TMEM131L: variants seen among roughly 807,000 people sequenced by gnomAD.
TMEM131L encodes the protein transmembrane protein 131-like.
Under a neutral mutation model 192.2 loss-of-function variants are expected in TMEM131L, and 54 were observed. That is an observed-to-expected ratio of 0.28 (90% CI 0.23 to 0.35). The LOEUF (loss-of-function observed/expected upper bound fraction) is 0.35, where lower values mean the gene tolerates loss of function less well. Ranked by LOEUF, TMEM131L falls within the 10% of genes least tolerant of loss-of-function variation. TMEM131L has a pLI of 1.00. For synonymous variants in TMEM131L, 701 were observed against 704.9 expected, an observed-to-expected ratio of 0.99 and a Z score of 0.09; for missense variants, 1,888 against 1,972.9, an observed-to-expected ratio of 0.96 and a Z score of 0.82.
At chr4:153,600,088 G>A (rs1222239605) in intron 21 of TMEM131L, among the ~76,000 whole-genome samples, 1 of 151,952 alleles carries the variant, frequency 6.6e-6, no homozygotes. Flanking sequence ...CTAGTTGCTG[G>A]GTGTGGTGGC....
intron 3 of TMEM131L, among the ~76,000 whole-genome samples, chr4:153,526,593 C>T (rs901617021): frequency 6.6e-6 from 1 of 152,060 alleles, no homozygotes; most frequent in Non-Finnish European, 1.5e-5. Context: ...AAAAAATTAG[C>T]CGGGCGTGGT....
In TMEM131L at chr4:153,473,045, G is replaced by A. The variant is rs143682223; in HGVS notation, c.196-800G>A. Reference sequence around the variant, plus strand: ...ACAGTTAAGTTCAGCATTTTCCCTCGGACATTTTAAATTGGAGCCCAGGTG... The same window carrying A: ...ACAGTTAAGTTCAGCATTTTCCCTCAGACATTTTAAATTGGAGCCCAGGTG... On this transcript the variant is annotated intron_variant, in intron 2 of 34. Transcript: ENST00000409959. Among the ~76,000 whole-genome samples the A allele has an allele frequency of 4.5e-4, 68 of 152,260 alleles. No homozygotes were observed. The East Asian group carries it at 8.5e-3, about 19-fold the overall frequency.
chr4:153,509,224 G>A (rs113472668), intron 3 of TMEM131L, among the ~76,000 whole-genome samples: 19,691 of 151,614 alleles, frequency 0.13, 2,357 homozygotes, highest in African/African-American at 0.29. Flanking sequence ...AACTGGGCAT[G>A]GTGGTGGCAT....
At chr4:153,473,777 G>GC (rs1355321617) in intron 2 of TMEM131L, 68 bp from the exon 3 acceptor site, 9 of 1,333,104 alleles carry the variant, frequency 6.8e-6, no homozygotes, top group African/African-American at 1.5e-5. Context: ...GGGTGACAGA[G>GC]CGAGACTCTG....
intron 7 of TMEM131L, among the ~76,000 whole-genome samples, chr4:153,570,965 G>T (rs1348353118): frequency 6.6e-6 from 1 of 152,032 alleles, no homozygotes; most frequent in Non-Finnish European, 1.5e-5. Flanking sequence ...GTTCTCCACT[G>T]TTCAATTTAA....
At chr4:153,577,514 A>G (rs959358780) in intron 7 of TMEM131L, among the ~76,000 whole-genome samples, 1 of 152,216 alleles carries the variant, frequency 6.6e-6, no homozygotes, top group Non-Finnish European at 1.5e-5. Context: ...CTCTGCTATC[A>G]TAGCACGAAG....
rs548390182 is a variant in TMEM131L, at chr4:153,594,697, A to G, written c.1995+826A>G. ...GGCTCTAGATTACTTTCAATAACAG[A>G]AGGAGGGAGACCACAGATAACCCAT... On this transcript the variant is annotated intron_variant, in intron 19 of 34. Transcript: ENST00000409959. Among the ~76,000 whole-genome samples the G allele has an allele frequency of 3.9e-5, 6 of 152,308 alleles. No homozygotes were observed. In the South Asian group the frequency reaches 6.2e-4, roughly 16 times the overall value.
At chr4:153,536,336 A>G (rs1442163736) in intron 3 of TMEM131L, among the ~76,000 whole-genome samples, 1 of 152,256 alleles carries the variant, frequency 6.6e-6, no homozygotes, top group Non-Finnish European at 1.5e-5. Flanking sequence ...GTTTGAAAGA[A>G]GAATTACAAT....
At chr4:153,473,740 C>T (rs761872064) in intron 2 of TMEM131L, 105 bp from the exon 3 acceptor site, 195 of 869,444 alleles carry the variant, frequency 2.2e-4, no homozygotes, top group Admixed American at 3.1e-4. Context: ...TGCAGTGAGC[C>T]GAGACCCTGC....
chr4:153,622,828 C>A, intron 28 of TMEM131L, 70 bp from the exon 29 acceptor site: 1 of 1,504,882 alleles, frequency 6.6e-7, no homozygotes. Context: ...TGTCACCTCT[C>A]TCTTTCTGTT....
chr4:153,615,413 C>T (rs1354992553), intron 26 of TMEM131L, among the ~76,000 whole-genome samples: 2 of 152,142 alleles, frequency 1.3e-5, no homozygotes, highest in Non-Finnish European at 2.9e-5. Context: ...GGGCGTTACC[C>T]ATGTGGTGGT....
At chr4:153,575,671 G>C (rs1263696946) in intron 7 of TMEM131L, among the ~76,000 whole-genome samples, 1 of 152,012 alleles carries the variant, frequency 6.6e-6, no homozygotes, top group Non-Finnish European at 1.5e-5. Flanking sequence ...TTTCAATGAA[G>C]ACTACTTAAG....
At chr4:153,618,481 A>C (rs1578877519) in intron 26 of TMEM131L, among the ~76,000 whole-genome samples, 1 of 150,646 alleles carries the variant, frequency 6.6e-6, no homozygotes, top group South Asian at 2.1e-4. Flanking sequence ...GTCTCCAAAA[A>C]AAAAAAAAAA....
At chr4:153,506,094 C>T (rs1038768765) in intron 3 of TMEM131L, among the ~76,000 whole-genome samples, 4 of 152,040 alleles carry the variant, frequency 2.6e-5, no homozygotes, top group Admixed American at 6.6e-5. Flanking sequence ...ATAGTAGAGT[C>T]GAACTAATAT....
At chr4:153,625,388 C>T (rs770297064) in intron 29 of TMEM131L, among the ~76,000 whole-genome samples, 2 of 149,918 alleles carry the variant, frequency 1.3e-5, no homozygotes, top group Admixed American at 1.3e-4. Flanking sequence ...GACTCTGTCT[C>T]GACAAAAAAA....
At chr4:153,566,518 AGTGTGTGTGTGT>A (rs35949558) in intron 7 of TMEM131L, among the ~76,000 whole-genome samples, 2,275 of 145,858 alleles carry the variant, frequency 0.016, 46 homozygotes, top group African/African-American at 0.05. Flanking sequence ...TGTGAGTGTG[AGTGTGTGTGTGT>A]GTGTGTGTGT....
intron 2 of TMEM131L, among the ~76,000 whole-genome samples, chr4:153,473,420 G>A (rs1203514800): frequency 1.3e-5 from 2 of 152,208 alleles, no homozygotes; most frequent in African/African-American, 4.8e-5. Flanking sequence ...AGGACAGGTA[G>A]GAACTGGGTT....
At position 153,576,426 on chromosome 4, in the gene TMEM131L, CG is replaced by C. The variant is rs528407038; in HGVS notation, c.661-4399del. ...AAATAGTGATTTTTAAAATGCCTCT[CG>C]CTAATAGAAGAATCTTAATTAAAAT... On this transcript the variant is annotated intron_variant, in intron 7 of 34. Coordinates refer to ENST00000409959, the MANE Select transcript of TMEM131L (RefSeq NM_001131007.2). 2.6e-4 allele frequency among the ~76,000 whole-genome samples: 40 copies of C among 152,262 alleles called. 1 individual carries two copies. In the South Asian group the frequency reaches 6.2e-3, roughly 24 times the overall value.
intron 16 of TMEM131L, 28 bp from the exon 17 acceptor site, chr4:153,591,025 C>T (rs558346217): frequency 1.4e-6 from 2 of 1,419,186 alleles, no homozygotes; most frequent in Non-Finnish European, 1.9e-6. Context: ...AAATATTTTT[C>T]ATAATAGTTT....
Sources: allele counts gnomAD v4.1 joint callset (sites outside exome capture counted in the v4.1 genomes callset), GRCh38; gene constraint gnomAD v4.1.1; transcripts MANE v1.5; gene names NCBI Gene and HGNC (gene_info 2026-07-23, HGNC 2026-07-21).